WDR37: variants seen among roughly 807,000 people sequenced by gnomAD.
WDR37 encodes the protein WD repeat-containing protein 37.
Under a neutral mutation model 62.9 loss-of-function variants are expected in WDR37, and 19 were observed. The observed-to-expected ratio is 0.30, with a 90% confidence interval of 0.21 to 0.44. The LOEUF (loss-of-function observed/expected upper bound fraction) is 0.44, where lower values mean the gene tolerates loss of function less well. WDR37 is among the 20% of genes least tolerant of loss of function. The pLI is 1.00. For missense variants in WDR37, 474 were observed against 657.6 expected (o/e 0.72, Z 3.05); for synonymous variants, 250 against 260.9 (o/e 0.96, Z 0.40).
chr10:1,122,395 T>A (rs1379745687), intron 11 of WDR37, among the ~76,000 whole-genome samples: 2 of 152,122 alleles, frequency 1.3e-5, no homozygotes, highest in Non-Finnish European at 2.9e-5. Flanking sequence ...TGGGAGACAG[T>A]GTAGGGGTCA....
rs185390795 is a variant in WDR37 at position 1,084,388 on chromosome 10, C to G, written c.397-15C>G. 1.0e-5 allele frequency: 16 copies of G among 1,604,580 alleles called. No individual in the cohort carries two copies. Among genetic ancestry groups the G allele is most frequent in the Non-Finnish European group, 1.4e-5 (16 of 1,172,312 alleles). ...TCAGTAAATTGTTTCACAAGACTCC[C>G]CATCTTGGTTTCAGATTGTCTCCAG... On this transcript the variant is annotated splice_polypyrimidine_tract_variant and intron_variant, in intron 5 of 13. Coordinates refer to ENST00000263150, the MANE Select transcript of WDR37 (RefSeq NM_014023.4).
intron 10 of WDR37, among the ~76,000 whole-genome samples, chr10:1,104,468 A>G (rs1384307219): frequency 6.6e-6 from 1 of 152,144 alleles, no homozygotes; most frequent in Admixed American, 6.5e-5. Context: ...GAACTCTCCA[A>G]CTTCTGGGAC....
chr10:1,089,657 ACCCGCAGTTCGGCCTTCCCG>A lies in WDR37; in HGVS notation c.604+3301_604+3320del, dbSNP rs1834317907. Among the ~76,000 whole-genome samples the A allele has an allele frequency of 1.0e-4, 3 of 29,706 alleles. No individual in the cohort carries two copies. In the South Asian group the frequency reaches 3.7e-3, roughly 36 times the overall value. 19.5% of individuals were successfully genotyped at this position (29,706 alleles called of 152,430 possible). A position where few individuals can be genotyped will look rare whatever the true frequency, so the allele number is the denominator to read the frequency against. ...CCCACAATTCAGCCTTCCCGTGCTC[ACCCGCAGTTCGGCCTTCCCG>A]TGCTCACCCGCAGTTCGGCCTTCCC... On this transcript the variant is annotated intron_variant, in intron 7 of 13. Transcript: ENST00000263150.
chr10:1,090,411 G>A lies in WDR37; in HGVS notation c.605-3041G>A, dbSNP rs144534671. Among the ~76,000 whole-genome samples the A allele has an allele frequency of 2.7e-3, 418 of 152,258 alleles. 2 individuals are homozygous for A. Among genetic ancestry groups the A allele is most frequent in the African/African-American group, 9.3e-3 (385 of 41,522 alleles). Reference sequence around the variant, plus strand: ...TGACTTCAGGTGATCCAGCCGCCTCGGCCTCCCAAAATGTTGGGATTATAG... The same window carrying A: ...TGACTTCAGGTGATCCAGCCGCCTCAGCCTCCCAAAATGTTGGGATTATAG... On this transcript the variant is annotated intron_variant, in intron 7 of 13. Coordinates refer to ENST00000263150, the MANE Select transcript of WDR37 (RefSeq NM_014023.4).
At chr10:1,120,406 G>T (rs1287062303) in intron 11 of WDR37, among the ~76,000 whole-genome samples, 1 of 152,200 alleles carries the variant, frequency 6.6e-6, no homozygotes, top group Non-Finnish European at 1.5e-5. Flanking sequence ...CTGGCTTATT[G>T]GGGTGTCCTT....
intron 1 of WDR37, among the ~76,000 whole-genome samples, chr10:1,058,193 C>T (rs1045440240): frequency 7.2e-6 from 1 of 138,620 alleles, no homozygotes; most frequent in African/African-American, 2.6e-5. Context: ...CTCGTGTGCA[C>T]TGGCCACGTC....
intron 7 of WDR37, among the ~76,000 whole-genome samples, chr10:1,092,903 A>AAAAAAAAAAAACC (rs1834448341): frequency 6.8e-6 from 1 of 147,326 alleles, no homozygotes; most frequent in Non-Finnish European, 1.5e-5. Context: ...AAAAAAGAAG[A>AAAAAAAAAAAACC]CCTCTGCCAA....
At chr10:1,062,432 G>T (rs1833403757) in intron 1 of WDR37, among the ~76,000 whole-genome samples, 1 of 152,210 alleles carries the variant, frequency 6.6e-6, no homozygotes, top group African/African-American at 2.4e-5. Flanking sequence ...TGTCTGGAAT[G>T]CATCAGAATG....
chr10:1,087,830 C>T (rs1475609061), intron 7 of WDR37, among the ~76,000 whole-genome samples: 3 of 152,206 alleles, frequency 2.0e-5, no homozygotes, highest in South Asian at 2.1e-4. Flanking sequence ...CTTGAAGTTT[C>T]GAAGGCATGG....
At chr10:1,096,034 A>G (rs1834562993) in intron 8 of WDR37, 136 bp from the exon 9 acceptor site, 1 of 719,720 alleles carries the variant, frequency 1.4e-6, no homozygotes, top group Non-Finnish European at 2.4e-6. Flanking sequence ...TTATTTAAGT[A>G]AAAAGTACAT....
chr10:1,073,150 GA>G (rs1394914087), intron 2 of WDR37, among the ~76,000 whole-genome samples: 1 of 152,128 alleles, frequency 6.6e-6, no homozygotes, highest in Non-Finnish European at 1.5e-5. Flanking sequence ...AGAGTGTTGT[GA>G]AGTCTAGACG....
chr10:1,103,606 C>G lies in WDR37; in HGVS notation c.731C>G (p.Ser244Cys), dbSNP rs1185795390. 6.2e-7 allele frequency: 1 copy of G among 1,613,454 alleles called. No individual in the cohort carries two copies. Among genetic ancestry groups the G allele is most frequent in the Non-Finnish European group, 8.5e-7 (1 of 1,179,472 alleles). Residue 244 changes from serine to cysteine, a missense_variant, in exon 10 of 14, where the codon TCT becomes TGT. Transcript: ENST00000263150. This position sits in a 1 kb window ranked among gnomAD's most constrained non-coding sequence, Gnocchi z 6.3. ...TGGCCTTCCCTTTGGCAGCAGATAT[C>G]TGGGGAAGATGAAGTAGAGTGCTCT... ...TPQPVADTSI[S>C]GEDEVECSDK...
rs1477134683 is a variant in WDR37, at chr10:1,131,961, C to T, written c.*2617C>T. ...TTTCTGTAGAGACAAAAACTCTGTA[C>T]ATATTTTGGAATCTGAAGAATCCTA... On this transcript the variant is annotated 3_prime_UTR_variant, in exon 14 of 14. Transcript: ENST00000263150. The T allele has an allele frequency of 6.6e-6, 1 of 152,610 alleles. No individual in the cohort carries two copies. The highest frequency in any genetic ancestry group is 2.4e-5 in the African/African-American group (1 of 41,446). The allele number at this position is 152,610 out of a possible 1,614,324, so 9.5% of individuals were successfully genotyped here. A position where few individuals can be genotyped will look rare whatever the true frequency, so the allele number is the denominator to read the frequency against.
At chr10:1,125,052 A>G (rs766293685) in intron 13 of WDR37, 28 bp downstream of exon 13, 65 of 1,612,876 alleles carry the variant, frequency 4.0e-5, no homozygotes, top group Middle Eastern at 1.7e-4. Flanking sequence ...GAACATATGC[A>G]GGGCACAGTG....
Position 1,129,275 on chromosome 10 carries a change from C to A in WDR37, c.1416C>A (p.Phe472Leu). Reference protein sequence around the residue: ...WSEDHPVCNLFTCGFDRQAIG... With the variant: ...WSEDHPVCNLLTCGFDRQAIG... ...AAGACCACCCCGTGTGCAATCTGTT[C>A]ACCTGTGGGTTTGACCGGCAAGCCA... is the stretch of plus-strand genomic sequence containing the variant. Residue 472 changes from phenylalanine (F) to leucine (L), a missense_variant, in exon 14 of 14, where the codon TTC (phenylalanine) becomes TTA (leucine). Phe to Leu is a conservative substitution (Grantham distance 22). Transcript: ENST00000263150. The A allele has an allele frequency of 6.2e-7, 1 of 1,614,186 alleles. No individual in the cohort carries two copies. Among genetic ancestry groups the A allele is most frequent in the Non-Finnish European group, 8.5e-7 (1 of 1,180,026 alleles).
intron 11 of WDR37, among the ~76,000 whole-genome samples, chr10:1,112,894 T>G (rs187591469): frequency 6.6e-6 from 1 of 152,198 alleles, no homozygotes; most frequent in Non-Finnish European, 1.5e-5. Flanking sequence ...GAGTGCAAGG[T>G]GAAGCAGCAA....
At chr10:1,092,561 G>A (rs934510963) in intron 7 of WDR37, among the ~76,000 whole-genome samples, 7 of 151,636 alleles carry the variant, frequency 4.6e-5, no homozygotes, top group Admixed American at 6.6e-5. Context: ...TAGTAGAGAC[G>A]GGGTTTCACC....
chr10:1,110,447 C>T lies in WDR37; in HGVS notation c.1103+5180C>T, dbSNP rs554625787. ...GTCTCCGGCATGGGTTTTGTAGGTT[C>T]GAGCCAATACGACAAATAAAACCTA... On this transcript the variant is annotated intron_variant, in intron 11 of 13. Transcript: ENST00000263150. Among the ~76,000 whole-genome samples, 161 of 152,320 alleles carry T rather than the reference C, an allele frequency of 1.1e-3. 1 individual carries two copies. Among genetic ancestry groups the T allele is most frequent in the Non-Finnish European group, 1.5e-3 (103 of 68,022 alleles).
chr10:1,116,578 C>A (rs770919908), intron 11 of WDR37, among the ~76,000 whole-genome samples: 10 of 152,132 alleles, frequency 6.6e-5, no homozygotes, highest in Non-Finnish European at 1.0e-4. Context: ...TATATAAATA[C>A]AACTCTTAAT....
Sources: gnomAD v4.1 joint callset for allele counts (sites outside exome capture counted in the v4.1 genomes callset) on GRCh38, gnomAD v4.1.1 for gene constraint, Gnocchi (gnomAD v3.1) non-coding constraint, MANE v1.5 for transcripts, NCBI Gene and HGNC (gene_info 2026-07-23, HGNC 2026-07-21) for gene names.